The following IGF2BP2 variants were observed in gnomAD, a reference collection of about 807,000 sequenced individuals.
The protein encoded by IGF2BP2 is insulin-like growth factor 2 mRNA-binding protein 2.
A neutral mutation model predicts 75.8 loss-of-function variants in IGF2BP2; 17 were observed. The ratio of observed to expected loss-of-function variants is 0.22; its 90% CI spans 0.15 to 0.34. The LOEUF is 0.34. Among genes scored for constraint, IGF2BP2 ranks in the 10% least tolerant of loss-of-function variants. IGF2BP2 has a pLI of 1.00. For missense variants in IGF2BP2, 516 were observed against 772.4 expected, an observed-to-expected ratio of 0.67 and a Z score of 3.93; for synonymous variants, 288 against 295.6, an observed-to-expected ratio of 0.97 and a Z score of 0.26.
intron 2 of IGF2BP2, among the ~76,000 whole-genome samples, chr3:185,800,397 G>A (rs1226648210): frequency 1.3e-5 from 2 of 151,988 alleles, no homozygotes; most frequent in African/African-American, 4.8e-5. Context: ...CCTGCACATT[G>A]TGCACATGTA....
intron 2 of IGF2BP2, among the ~76,000 whole-genome samples, chr3:185,760,636 T>A (rs148688768): frequency 6.6e-6 from 1 of 152,260 alleles, no homozygotes; most frequent in East Asian, 1.9e-4. Context: ...CTTACTCCAC[T>A]CTCACACTGT....
Position 185,703,223 on chromosome 3 carries a change from G to A in IGF2BP2, c.240-4876C>T, listed in dbSNP as rs115443252. ...TCATCTAACTAATTTATAGTTGACG[G>A]GTTCCAAGGACTTTCAACATATAAA... On this transcript the variant is annotated intron_variant, in intron 2 of 15. Transcript: ENST00000382199. 5.2e-3 allele frequency among the ~76,000 whole-genome samples: 797 copies of A among 152,260 alleles called. 9 individuals carry two copies. Among genetic ancestry groups the A allele is most frequent in the African/African-American group, 0.018 (758 of 41,532 alleles).
chr3:185,801,590 C>T (rs549293624), intron 2 of IGF2BP2, among the ~76,000 whole-genome samples: 5 of 151,226 alleles, frequency 3.3e-5, no homozygotes, highest in African/African-American at 1.2e-4. Context: ...ATTAGTTCAA[C>T]TATTGTGGAA....
chr3:185,649,350 G>A lies in IGF2BP2; in HGVS notation c.1593+53C>T. The A allele has an allele frequency of 2.5e-6, 4 of 1,602,680 alleles. No homozygotes were observed. The South Asian group carries it at 3.3e-5, about 13-fold the overall frequency. Reference sequence around the variant, plus strand: ...GGGAGACTGAGGGAACTCAGGCAAGGCCAGAGCGGGGAATCTGACCCAGGT... The same window carrying A: ...GGGAGACTGAGGGAACTCAGGCAAGACCAGAGCGGGGAATCTGACCCAGGT... On this transcript the variant is annotated intron_variant, in intron 14 of 15. Transcript: ENST00000382199.
intron 2 of IGF2BP2, among the ~76,000 whole-genome samples, chr3:185,767,130 G>C (rs1355890523): frequency 6.6e-6 from 1 of 152,200 alleles, no homozygotes; most frequent in Non-Finnish European, 1.5e-5. Context: ...GAAGCTTCTC[G>C]ATGGTGGCAT....
chr3:185,752,124 G>A (rs994710383), intron 2 of IGF2BP2, among the ~76,000 whole-genome samples: 2 of 152,018 alleles, frequency 1.3e-5, no homozygotes, highest in African/African-American at 2.4e-5. Flanking sequence ...AATTTTAGTG[G>A]CTACAAAGGG....
At chr3:185,821,288 G>GC (rs1309094826) in intron 2 of IGF2BP2, among the ~76,000 whole-genome samples, 3 of 152,154 alleles carry the variant, frequency 2.0e-5, no homozygotes, top group African/African-American at 7.2e-5. Context: ...CATACACAGC[G>GC]CATTTTAATC....
In IGF2BP2 at chr3:185,782,230, T is replaced by G. The variant is rs372369493; in HGVS notation, c.239+40923A>C. On this transcript the variant is annotated intron_variant, in intron 2 of 15. Coordinates refer to ENST00000382199, the MANE Select transcript of IGF2BP2 (RefSeq NM_006548.6). ...CAGGAACTTAATGTGCCAGGAAAAT[T>G]TTAATGATGTAGAGAATTATTAGCC... Among the ~76,000 whole-genome samples the G allele has an allele frequency of 9.9e-5, 15 of 152,228 alleles. No individual in the cohort carries two copies. The East Asian group carries it at 2.1e-3, about 22-fold the overall frequency.
chr3:185,785,395 T>G (rs1032964754), intron 2 of IGF2BP2, among the ~76,000 whole-genome samples: 1 of 151,956 alleles, frequency 6.6e-6, no homozygotes, highest in South Asian at 2.1e-4. Context: ...ACACTCATTT[T>G]ACTGTGTCAA....
intron 10 of IGF2BP2, among the ~76,000 whole-genome samples, chr3:185,669,848 G>A (rs999804123): frequency 6.6e-6 from 1 of 152,048 alleles, no homozygotes; most frequent in South Asian, 2.1e-4. Context: ...CAGGAGTCCT[G>A]GGCCCACCAG....
intron 4 of IGF2BP2, among the ~76,000 whole-genome samples, chr3:185,695,898 G>A (rs141221697): frequency 5.3e-5 from 8 of 152,150 alleles, no homozygotes; most frequent in African/African-American, 1.9e-4. Flanking sequence ...AGCGATTCTC[G>A]TGCCTCAGCC....
intron 5 of IGF2BP2, 56 bp downstream of exon 5, chr3:185,692,643 G>C (rs761365470): frequency 2.0e-4 from 275 of 1,400,466 alleles, no homozygotes; most frequent in Non-Finnish European, 2.2e-4. Flanking sequence ...GAACTCAATG[G>C]AATTCAAATA....
intron 2 of IGF2BP2, among the ~76,000 whole-genome samples, chr3:185,790,396 G>C (rs111534505): frequency 9.2e-5 from 14 of 152,150 alleles, no homozygotes; most frequent in Non-Finnish European, 2.1e-4. Context: ...AAGTGACTGG[G>C]CTTCAGGATA....
intron 2 of IGF2BP2, among the ~76,000 whole-genome samples, chr3:185,769,802 C>G (rs926386920): frequency 1.4e-5 from 2 of 145,288 alleles, no homozygotes; most frequent in South Asian, 4.5e-4. Context: ...TGCACTCCCG[C>G]CTGGATGATA....
At chr3:185,698,586 C>T (rs1722890091) in intron 2 of IGF2BP2, among the ~76,000 whole-genome samples, 1 of 152,104 alleles carries the variant, frequency 6.6e-6, no homozygotes, top group Admixed American at 6.5e-5. Context: ...CTCACTGCAA[C>T]CTCTGCCTCC....
intron 7 of IGF2BP2, among the ~76,000 whole-genome samples, chr3:185,678,519 A>G (rs1303918550): frequency 1.3e-5 from 2 of 152,230 alleles, no homozygotes; most frequent in Non-Finnish European, 2.9e-5. Flanking sequence ...ACTTTGTAGT[A>G]TAATTTCAAT....
At chr3:185,808,054 A>G (rs1378391738) in intron 2 of IGF2BP2, among the ~76,000 whole-genome samples, 1 of 151,572 alleles carries the variant, frequency 6.6e-6, no homozygotes, top group Non-Finnish European at 1.5e-5. Flanking sequence ...CTGAGGTAGG[A>G]GAATAGCTTG....
chr3:185,667,670 T>A (rs1560256790), intron 10 of IGF2BP2, among the ~76,000 whole-genome samples: 2 of 152,236 alleles, frequency 1.3e-5, no homozygotes, highest in African/African-American at 4.8e-5. Context: ...AAAATGCATA[T>A]ACCCTTTGAC....
chr3:185,720,608 T>C (rs1326917529), intron 2 of IGF2BP2, among the ~76,000 whole-genome samples: 1 of 152,212 alleles, frequency 6.6e-6, no homozygotes. Context: ...CTTAACTGGA[T>C]GTTGGTCTGT....
Sources: gnomAD v4.1 joint callset for allele counts (sites outside exome capture counted in the v4.1 genomes callset) on GRCh38, gnomAD v4.1.1 for gene constraint, MANE v1.5 for transcripts, NCBI Gene and HGNC (gene_info 2026-07-23, HGNC 2026-07-21) for gene names.